Variants in ATXN2 observed in about 807,000 individuals in gnomAD.
ATXN2 encodes the protein ataxin-2.
Under a neutral mutation model 138.6 loss-of-function variants are expected in ATXN2, and 37 were observed. That is an observed-to-expected ratio of 0.27 (90% CI 0.21 to 0.35). ATXN2 has a LOEUF of 0.35. Ranked by LOEUF, ATXN2 falls within the 10% of genes least tolerant of loss-of-function variation. ATXN2 has a pLI of 1.00. For synonymous variants in ATXN2, 549 were observed against 543.7 expected (o/e 1.01, Z -0.13); for missense variants, 1,216 against 1,480.3 (o/e 0.82, Z 2.93).
intron 1 of ATXN2, among the ~76,000 whole-genome samples, chr12:111,597,192 G>A (rs1884980755): frequency 6.6e-6 from 1 of 152,112 alleles, no homozygotes; most frequent in Non-Finnish European, 1.5e-5. Flanking sequence ...ATAACCGACT[G>A]TTTCCGCCCC....
intron 1 of ATXN2, among the ~76,000 whole-genome samples, chr12:111,561,705 A>T (rs1477673085): frequency 1.3e-5 from 2 of 151,890 alleles, no homozygotes; most frequent in East Asian, 3.9e-4. Flanking sequence ...GTGGTGGCAC[A>T]TGTCTGTAAT....
At chr12:111,463,128 C>A (rs916576906) in intron 21 of ATXN2, among the ~76,000 whole-genome samples, 19 of 152,098 alleles carry the variant, frequency 1.2e-4, no homozygotes, top group African/African-American at 4.6e-4. Flanking sequence ...CATTGAGTCA[C>A]CCCAAAATAA....
chr12:111,463,027 C>T (rs982685914), intron 21 of ATXN2, among the ~76,000 whole-genome samples: 1 of 145,734 alleles, frequency 6.9e-6, no homozygotes, highest in Admixed American at 6.7e-5. Flanking sequence ...TATGTATCAG[C>T]TTATTTTTGG....
At chr12:111,590,645 A>G (rs1592936676) in intron 1 of ATXN2, among the ~76,000 whole-genome samples, 1 of 151,626 alleles carries the variant, frequency 6.6e-6, no homozygotes, top group African/African-American at 2.4e-5. Flanking sequence ...AGATCGTGCC[A>G]CTGCACTCCA....
chr12:111,573,737 AGTAAT>A (rs777092215), intron 1 of ATXN2, among the ~76,000 whole-genome samples: 1 of 152,174 alleles, frequency 6.6e-6, no homozygotes, highest in Non-Finnish European at 1.5e-5. Context: ...AAGATATACA[AGTAAT>A]GCTCTTGGCA....
chr12:111,572,951 AAATT>A (rs1883418923), intron 1 of ATXN2, among the ~76,000 whole-genome samples: 1 of 152,150 alleles, frequency 6.6e-6, no homozygotes, highest in South Asian at 2.1e-4. Context: ...TTTTTAGTTC[AAATT>A]AATTATGAGT....
intron 24 of ATXN2, 52 bp from the exon 25 acceptor site, chr12:111,452,892 C>G: frequency 6.3e-7 from 1 of 1,593,950 alleles, no homozygotes; most frequent in South Asian, 1.1e-5. Flanking sequence ...CACCACACAT[C>G]AGCCTAGTGT....
At chr12:111,537,899 C>G (rs768043024) in intron 5 of ATXN2, among the ~76,000 whole-genome samples, 1 of 152,056 alleles carries the variant, frequency 6.6e-6, no homozygotes, top group African/African-American at 2.4e-5. Flanking sequence ...AGTTTGAGAC[C>G]AGCCTGGGCA....
intron 1 of ATXN2, among the ~76,000 whole-genome samples, chr12:111,584,784 G>A (rs908814538): frequency 6.6e-6 from 1 of 151,760 alleles, no homozygotes; most frequent in Non-Finnish European, 1.5e-5. Flanking sequence ...TGACCAACAT[G>A]GAGAAACCCC....
rs538545985 is a variant in ATXN2, at chr12:111,549,010, G to A, written c.571+3270C>T. On this transcript the variant is annotated intron_variant, in intron 5 of 24. Transcript: ENST00000673436. ...AGTGAGATTACAGGAGTGAGCCACCGCACCTGGCCTAGAAAGCACAAATTC... is the reference window on the plus strand; with the variant it reads ...AGTGAGATTACAGGAGTGAGCCACCACACCTGGCCTAGAAAGCACAAATTC... Among the ~76,000 whole-genome samples, 272 of 152,114 alleles carry A rather than the reference G, an allele frequency of 1.8e-3. 1 individual carries two copies. Among genetic ancestry groups the A allele is most frequent in the Non-Finnish European group, 1.5e-3 (102 of 67,970 alleles).
At chr12:111,582,993 GTTTTTT>G (rs374845735) in intron 1 of ATXN2, among the ~76,000 whole-genome samples, 20 of 100,060 alleles carry the variant, frequency 2.0e-4, no homozygotes, top group African/African-American at 7.7e-4. Context: ...TTTTTTGTTT[GTTTTTT>G]TTTTTTTTTT....
intron 22 of ATXN2, among the ~76,000 whole-genome samples, chr12:111,456,908 C>T (rs568411640): frequency 4.4e-4 from 67 of 152,070 alleles, no homozygotes; most frequent in African/African-American, 1.5e-3. Context: ...CCACCACGCC[C>T]GGCTAATTTT....
intron 21 of ATXN2, among the ~76,000 whole-genome samples, chr12:111,461,590 T>TTAAG (rs1394859692): frequency 6.6e-6 from 1 of 152,034 alleles, no homozygotes; most frequent in African/African-American, 2.4e-5. Context: ...GATAGGCCAG[T>TTAAG]TAAGTGACAG....
chr12:111,590,263 C>T (rs922629137), intron 1 of ATXN2, among the ~76,000 whole-genome samples: 2 of 151,938 alleles, frequency 1.3e-5, no homozygotes, highest in South Asian at 4.1e-4. Flanking sequence ...TTTCACACCA[C>T]GTAAGTACAG....
At chr12:111,576,260 A>G (rs1460318776) in intron 1 of ATXN2, among the ~76,000 whole-genome samples, 1 of 151,958 alleles carries the variant, frequency 6.6e-6, no homozygotes, top group Non-Finnish European at 1.5e-5. Context: ...GCTGACCAAC[A>G]TGGTGAAACC....
At chr12:111,586,640 C>T (rs1374491093) in intron 1 of ATXN2, among the ~76,000 whole-genome samples, 1 of 151,970 alleles carries the variant, frequency 6.6e-6, no homozygotes, top group Admixed American at 6.6e-5. Context: ...CCCTCCTCAA[C>T]CTCCCAAAGT....
chr12:111,562,117 C>G (rs963451452), intron 1 of ATXN2, among the ~76,000 whole-genome samples: 4 of 150,024 alleles, frequency 2.7e-5, no homozygotes, highest in Middle Eastern at 3.2e-3. Flanking sequence ...GGCCTCGAGA[C>G]TCCACCTTAA....
intron 14 of ATXN2, among the ~76,000 whole-genome samples, chr12:111,498,446 T>A (rs546830702): frequency 1.3e-5 from 2 of 152,086 alleles, no homozygotes; most frequent in Admixed American, 6.5e-5. Flanking sequence ...ATCTGAAAAA[T>A]TTTTTAAACG....
intron 1 of ATXN2, among the ~76,000 whole-genome samples, chr12:111,572,743 T>C (rs868171844): frequency 6.6e-6 from 1 of 152,198 alleles, no homozygotes; most frequent in Non-Finnish European, 1.5e-5. Context: ...TCTGGAAGAC[T>C]AACATGTACT....
Sources: gnomAD v4.1 joint callset for allele counts (sites outside exome capture counted in the v4.1 genomes callset) on GRCh38, gnomAD v4.1.1 for gene constraint, MANE v1.5 for transcripts, NCBI Gene and HGNC (gene_info 2026-07-23, HGNC 2026-07-21) for gene names.